The following LZTFL1 variants were observed in gnomAD, a reference collection of about 807,000 sequenced individuals.
The protein encoded by LZTFL1 is leucine zipper transcription factor-like protein 1.
In LZTFL1, 25 loss-of-function variants were observed where a neutral mutation model predicts 45.9. The observed-to-expected ratio is 0.54, with a 90% CI of 0.40 to 0.76. The LOEUF is 0.76. Ranked by LOEUF, LZTFL1 falls within the 30% of genes least tolerant of loss-of-function variation. The pLI, the probability that LZTFL1 is intolerant of heterozygous loss-of-function variation, is 0.00. For missense variants in LZTFL1, 277 were observed against 331.1 expected, an observed-to-expected ratio of 0.84 and a Z score of 1.27; for synonymous variants, 93 against 117.4, an observed-to-expected ratio of 0.79 and a Z score of 1.35.
chr3:45,860,201 G>C (rs1215634852), intron 2 of LZTFL1, among the ~76,000 whole-genome samples: 1 of 152,114 alleles, frequency 6.6e-6, no homozygotes, highest in Non-Finnish European at 1.5e-5. Flanking sequence ...GACAGAGCCA[G>C]ACACTGTCTC....
chr3:45,856,761 A>G (rs1701400130), intron 3 of LZTFL1, among the ~76,000 whole-genome samples: 1 of 152,238 alleles, frequency 6.6e-6, no homozygotes, highest in African/African-American at 2.4e-5. Context: ...CAGCCAACAA[A>G]CATGAAAAAA....
Position 45,901,066 on chromosome 3 carries a change from C to T in LZTFL1, c.-215+12054G>A. ...ATGTTCCTTTTGAATTTGGCAATTG[C>T]TGACCTCCTCTTTCTTGTCACTCTT... On this transcript the variant is annotated intron_variant, in intron 2 of 4. Coordinates refer to the LZTFL1 transcript ENST00000472635. This position sits in a 1 kb window ranked among gnomAD's most constrained non-coding sequence, Gnocchi z 4.3. 6.2e-7 allele frequency: 1 copy of T among 1,614,202 alleles called. No homozygotes were observed. Among genetic ancestry groups the T allele is most frequent in the East Asian group, 2.2e-5 (1 of 44,888 alleles).
chr3:45,868,122 T>G (rs1157937745), intron 2 of LZTFL1, among the ~76,000 whole-genome samples: 1 of 148,344 alleles, frequency 6.7e-6, no homozygotes, highest in Non-Finnish European at 1.5e-5. Context: ...TGTATACATA[T>G]GTAACAAACC....
chr3:45,869,547 A>G (rs915518710), intron 2 of LZTFL1, among the ~76,000 whole-genome samples: 1 of 152,176 alleles, frequency 6.6e-6, no homozygotes, highest in African/African-American at 2.4e-5. Context: ...AAGAAGGAGC[A>G]TACTTCCTCT....
At position 45,828,562 on chromosome 3, in the gene LZTFL1, T is replaced by A. The variant is rs1387265123; in HGVS notation, c.654A>T (p.Leu218Phe). 1 of 1,614,092 alleles carries A rather than the reference T, an allele frequency of 6.2e-7. No individual in the cohort carries two copies. The highest frequency in any genetic ancestry group is 1.3e-5 in the African/African-American group (1 of 74,948). The change falls in exon 8 of 10, where the codon TTA (leucine) becomes TTT (phenylalanine). Residue 218 changes from leucine to phenylalanine, a missense_variant. Leu to Phe is a conservative substitution (Grantham distance 22, BLOSUM62 0). Transcript: ENST00000296135. ...TAAGTGTCTTCTGAAACTCACTCTT[T>A]AAGGCAGCGACAGTGTTTTCTAAGT... ...LSNLENTVAA[L>F]KSEFQKTLND...
chr3:45,907,984 A>T (rs956133151), intron 2 of LZTFL1, among the ~76,000 whole-genome samples: 3 of 152,228 alleles, frequency 2.0e-5, no homozygotes, highest in Non-Finnish European at 4.4e-5. Context: ...GGCAAGAAAG[A>T]CAGGGACTGA....
chr3:45,913,225 C>T, intron 1 of LZTFL1: 2 of 1,310,348 alleles, frequency 1.5e-6, no homozygotes, highest in Non-Finnish European at 2.1e-6. Context: ...ACTATTGTTA[C>T]TATTAACAAA....
chr3:45,866,141 G>C (rs1414629177), intron 2 of LZTFL1, among the ~76,000 whole-genome samples: 1 of 152,154 alleles, frequency 6.6e-6, no homozygotes, highest in Non-Finnish European at 1.5e-5. Flanking sequence ...GTGGTGGCGT[G>C]GTGGGAGGAA....
rs145465725 is a variant in LZTFL1 at position 45,828,958 on chromosome 3, A to G, written c.601-343T>C. The stretch of plus-strand genomic sequence containing the variant: ...GGTTTCATTTTGAAAAGCCAAATTT[A>G]AAAAAATCCTCAAAGAAGTTTGAAT... On this transcript the variant is annotated intron_variant, in intron 7 of 9. Coordinates refer to ENST00000296135, the MANE Select transcript of LZTFL1 (RefSeq NM_020347.4). 6.0e-4 allele frequency among the ~76,000 whole-genome samples: 91 copies of G among 152,354 alleles called. 1 individual carries two copies. The highest frequency in any genetic ancestry group is 2.0e-3 in the African/African-American group (84 of 41,588).
At chr3:45,853,850 C>T (rs1701344651) in intron 4 of LZTFL1, among the ~76,000 whole-genome samples, 1 of 152,210 alleles carries the variant, frequency 6.6e-6, no homozygotes, top group Non-Finnish European at 1.5e-5. Flanking sequence ...CTATAGTCAG[C>T]TGCCCTAACT....
intron 2 of LZTFL1, chr3:45,883,853 G>C (rs574009126): frequency 1.6e-4 from 88 of 536,400 alleles, no homozygotes; most frequent in Admixed American, 8.5e-4. Flanking sequence ...CACAGAGCAA[G>C]GATTCAGTTA....
chr3:45,897,558 C>A, intron 2 of LZTFL1: 1 of 1,531,696 alleles, frequency 6.5e-7, no homozygotes, highest in Non-Finnish European at 8.7e-7. Flanking sequence ...TCTGCTCCTG[C>A]AGTCTCCTCC....
intron 5 of LZTFL1, 101 bp from the exon 6 acceptor site, chr3:45,831,239 A>G: frequency 1.5e-6 from 1 of 673,060 alleles, no homozygotes; most frequent in Non-Finnish European, 2.4e-6. Context: ...AATTTAAATT[A>G]CATAATAGCT....
intron 3 of LZTFL1, 179 bp from the exon 4 acceptor site, chr3:45,834,477 A>G: frequency 2.1e-6 from 1 of 487,154 alleles, no homozygotes. Flanking sequence ...AACCACATGG[A>G]CTCAAATGTA....
chr3:45,910,252 C>G (rs918453366), intron 2 of LZTFL1, among the ~76,000 whole-genome samples: 1 of 151,834 alleles, frequency 6.6e-6, no homozygotes, highest in Admixed American at 6.6e-5. Context: ...ATGGTGGTGG[C>G]GGAGTTGGAG....
chr3:45,886,303 T>G (rs550286979), intron 2 of LZTFL1, among the ~76,000 whole-genome samples: 1 of 152,248 alleles, frequency 6.6e-6, no homozygotes, highest in Admixed American at 6.5e-5. Flanking sequence ...GCAGCTGTGC[T>G]GTCTAGGAAG....
Position 45,901,607 on chromosome 3 carries a change from T to G in LZTFL1, c.-215+11513A>C. The G allele has an allele frequency of 1.2e-6, 2 of 1,614,228 alleles. No individual in the cohort carries two copies. The highest frequency in any genetic ancestry group is 1.7e-6 in the Non-Finnish European group (2 of 1,180,018). On this transcript the variant is annotated intron_variant, in intron 2 of 4. Coordinates refer to the LZTFL1 transcript ENST00000472635. The surrounding 1 kb of genome is among the most constrained non-coding windows in gnomAD (Gnocchi z 4.3). ...TGTCTCAGTTTCCCTACAACTGCAT[T>G]TTGTTGGTGCAGACCATTGACGCCT... is the stretch of plus-strand genomic sequence containing the variant.
upstream of LZTFL1, chr3:45,842,254 C>T: frequency 8.6e-7 from 1 of 1,168,010 alleles, no homozygotes; most frequent in Non-Finnish European, 1.2e-6. Context: ...GAAGTCCCAC[C>T]TTTTTGTGCC....
intron 3 of LZTFL1, among the ~76,000 whole-genome samples, chr3:45,857,213 C>T (rs924942443): frequency 2.0e-5 from 3 of 152,198 alleles, no homozygotes; most frequent in Admixed American, 6.5e-5. Context: ...AGTTAATGTC[C>T]TTTGCAGGGA....
Sources: allele counts gnomAD v4.1 joint callset (sites outside exome capture counted in the v4.1 genomes callset), GRCh38; gene constraint gnomAD v4.1.1; non-coding constraint Gnocchi (gnomAD v3.1); transcripts MANE v1.5; gene names NCBI Gene and HGNC (gene_info 2026-07-23, HGNC 2026-07-21).